Variants in ATP2B2 observed in about 807,000 individuals in gnomAD.
ATP2B2 encodes plasma membrane calcium-transporting ATPase 2.
A neutral mutation model predicts 120.0 loss-of-function variants in ATP2B2; 15 were observed. The ratio of observed to expected loss-of-function variants is 0.12; its 90% CI spans 0.08 to 0.19. The LOEUF (loss-of-function observed/expected upper bound fraction) is 0.19. Ranked by LOEUF, ATP2B2 falls within the 10% of genes least tolerant of loss-of-function variation. The pLI is 1.00. For missense variants in ATP2B2, 1,045 were observed against 1,719.8 expected (o/e 0.61, Z 6.94); for synonymous variants, 694 against 700.3 (o/e 0.99, Z 0.14).
intron 12 of ATP2B2, among the ~76,000 whole-genome samples, chr3:10,360,761 C>T (rs775020): frequency 0.13 from 19,299 of 152,206 alleles, 1,645 homozygotes; most frequent in East Asian, 0.34. Flanking sequence ...GAGAGTTCAC[C>T]GGCTTTACAT....
Position 10,390,953 on chromosome 3 carries a change from C to T in ATP2B2, c.782-2551G>A, listed in dbSNP as rs138262333. On this transcript the variant is annotated intron_variant, in intron 5 of 22. Transcript: ENST00000360273. ...CAAGATGCCTCCGTGGGCACCAGCT[C>T]GGCTTGTTAGGGTGCTAGGAGGAGG... Among the ~76,000 whole-genome samples the T allele has an allele frequency of 1.3e-3, 202 of 152,230 alleles. 6 individuals are homozygous for T. The South Asian group carries it at 0.028, about 21-fold the overall frequency.
intron 2 of ATP2B2, among the ~76,000 whole-genome samples, chr3:10,430,076 G>C (rs886754354): frequency 1.3e-5 from 2 of 152,212 alleles, no homozygotes; most frequent in Non-Finnish European, 2.9e-5. Flanking sequence ...TAGCATGAAA[G>C]TGCCACAGAA....
At chr3:10,364,804 G>A (rs181033731) in intron 12 of ATP2B2, among the ~76,000 whole-genome samples, 34 of 152,318 alleles carry the variant, frequency 2.2e-4, no homozygotes, top group African/African-American at 8.2e-4. Flanking sequence ...GCAATGTGAT[G>A]ATTTTTCTAA....
At chr3:10,486,342 T>TG (rs1559398974) in intron 1 of ATP2B2, among the ~76,000 whole-genome samples, 2 of 151,894 alleles carry the variant, frequency 1.3e-5, no homozygotes, top group African/African-American at 4.8e-5. Context: ...TGTGTGTGTG[T>TG]GTGTGTGTGT....
intron 1 of ATP2B2, among the ~76,000 whole-genome samples, chr3:10,481,564 AT>A (rs1212383287): frequency 1.3e-5 from 2 of 151,928 alleles, no homozygotes; most frequent in Non-Finnish European, 1.5e-5. Context: ...ATTTTATTTT[AT>A]TTTTTTGAGA....
intron 3 of ATP2B2, among the ~76,000 whole-genome samples, chr3:10,511,752 A>C (rs1246695378): frequency 6.6e-6 from 1 of 152,174 alleles, no homozygotes; most frequent in African/African-American, 2.4e-5. Flanking sequence ...TGGCCCCTCC[A>C]AGCTACCTAC....
Position 10,402,010 on chromosome 3 carries a change from A to G in ATP2B2, c.655+81T>C. 6.3e-7 allele frequency: 1 copy of G among 1,599,532 alleles called. No homozygotes were observed. The highest frequency in any genetic ancestry group is 8.5e-7 in the Non-Finnish European group (1 of 1,177,534). On this transcript the variant is annotated intron_variant, in intron 4 of 22. Transcript: ENST00000360273. The surrounding 1 kb of genome is among the most constrained non-coding windows in gnomAD (Gnocchi z 4.9). Reference sequence around the variant, plus strand: ...AGGAATGCATCCCCTTCCTTGAGCCAATCTCTTTGCATCAGCCTGGCCTGT... The same window carrying G: ...AGGAATGCATCCCCTTCCTTGAGCCGATCTCTTTGCATCAGCCTGGCCTGT...
intron 11 of ATP2B2, among the ~76,000 whole-genome samples, chr3:10,373,118 C>T (rs140900224): frequency 1.3e-5 from 2 of 152,336 alleles, no homozygotes; most frequent in Non-Finnish European, 2.9e-5. Flanking sequence ...AATAAACGCA[C>T]GTTGAATGAT....
chr3:10,515,700 A>C (rs889511071), intron 3 of ATP2B2, among the ~76,000 whole-genome samples: 9 of 152,126 alleles, frequency 5.9e-5, no homozygotes, highest in Non-Finnish European at 1.2e-4. Context: ...TCCACCACTC[A>C]CTGAGCTCTG....
At chr3:10,603,516 C>T (rs974968361) in intron 2 of ATP2B2, among the ~76,000 whole-genome samples, 5 of 152,196 alleles carry the variant, frequency 3.3e-5, no homozygotes, top group Admixed American at 6.5e-5. Context: ...CTTGTGACAC[C>T]GTCAATCTGC....
At chr3:10,566,540 A>G (rs1198878112) in intron 2 of ATP2B2, 1 of 152,272 alleles carries the variant, frequency 6.6e-6, no homozygotes, top group Non-Finnish European at 1.5e-5. Context: ...CAGTGTGACT[A>G]TAATGAGACA....
chr3:10,405,405 C>T (rs1328196631), intron 3 of ATP2B2, among the ~76,000 whole-genome samples: 1 of 152,230 alleles, frequency 6.6e-6, no homozygotes, highest in African/African-American at 2.4e-5. Flanking sequence ...GTCTGCTCGT[C>T]ACGCGGTGCC....
At chr3:10,487,531 G>C (rs1251807743) in intron 1 of ATP2B2, among the ~76,000 whole-genome samples, 5 of 152,360 alleles carry the variant, frequency 3.3e-5, no homozygotes, top group Non-Finnish European at 5.9e-5. Flanking sequence ...ACAAAGGCCT[G>C]TGAGTCTTTA....
At chr3:10,637,152 C>G (rs1229920350) in intron 1 of ATP2B2, among the ~76,000 whole-genome samples, 1 of 152,096 alleles carries the variant, frequency 6.6e-6, no homozygotes, top group Non-Finnish European at 1.5e-5. Context: ...AAACAAGACC[C>G]AATAGGATCA....
At chr3:10,611,387 G>A (rs1231735640) in intron 2 of ATP2B2, among the ~76,000 whole-genome samples, 7 of 152,166 alleles carry the variant, frequency 4.6e-5, no homozygotes, top group African/African-American at 1.4e-4. Context: ...GAGGGGTGTG[G>A]GAAAGTATTG....
chr3:10,442,759 C>T (rs1028040268), intron 2 of ATP2B2, among the ~76,000 whole-genome samples: 1 of 152,196 alleles, frequency 6.6e-6, no homozygotes, highest in Non-Finnish European at 1.5e-5. Context: ...TAAAACCCAA[C>T]GTCTCCCTTG....
intron 3 of ATP2B2, among the ~76,000 whole-genome samples, chr3:10,405,917 G>A (rs1294328929): frequency 1.3e-5 from 2 of 152,198 alleles, no homozygotes; most frequent in Non-Finnish European, 2.9e-5. Context: ...GGGGTTAGGG[G>A]CACTGAGTGT....
intron 3 of ATP2B2, among the ~76,000 whole-genome samples, chr3:10,512,503 C>CACACAG: frequency 2.0e-5 from 3 of 151,136 alleles, no homozygotes; most frequent in African/African-American, 7.4e-5. Context: ...CACACACACA[C>CACACAG]ACACACACAC....
intron 2 of ATP2B2, among the ~76,000 whole-genome samples, chr3:10,579,498 C>T (rs1353898224): frequency 6.6e-6 from 1 of 152,070 alleles, no homozygotes; most frequent in Admixed American, 6.6e-5. Context: ...CATGGTGAAA[C>T]CCCCATCTCT....
Sources: gnomAD v4.1 joint callset for allele counts (sites outside exome capture counted in the v4.1 genomes callset) on GRCh38, gnomAD v4.1.1 for gene constraint, Gnocchi (gnomAD v3.1) non-coding constraint, MANE v1.5 for transcripts, NCBI Gene and HGNC (gene_info 2026-07-23, HGNC 2026-07-21) for gene names.